The following RBM23 variants were observed in gnomAD, a reference collection of about 807,000 sequenced individuals.
RBM23 encodes the protein RNA binding motif protein 23.
RBM23 carries 53 observed loss-of-function variants against 56.2 expected under a neutral mutation model. The ratio of observed to expected loss-of-function variants is 0.94; its 90% CI spans 0.76 to 1.19. The LOEUF is 1.19. Among genes scored for constraint, RBM23 ranks in the 50% most tolerant of loss-of-function variants. The pLI, the probability that RBM23 is intolerant of heterozygous loss-of-function variation, is 0.00. For synonymous variants in RBM23, 197 were observed against 198.5 expected, an observed-to-expected ratio of 0.99 and a Z score of 0.06; for missense variants, 642 against 590.3, an observed-to-expected ratio of 1.09 and a Z score of -0.91.
Position 22,901,969 on chromosome 14 carries a change from T to C in RBM23, c.1246+11A>G, listed in dbSNP as rs753012659. The C allele has an allele frequency of 1.2e-6, 2 of 1,611,012 alleles. No homozygotes were observed. Among genetic ancestry groups the C allele is most frequent in the Non-Finnish European group, 8.5e-7 (1 of 1,177,806 alleles). On this transcript the variant is annotated intron_variant, in intron 12 of 13. Coordinates refer to ENST00000359890, the MANE Select transcript of RBM23 (RefSeq NM_001077351.2). ...CCAAACCTTCCCTTCCTTTCCCATGTCCAAGACTACCAGTCAGAGCTGCTG... is the reference window on the plus strand; with the variant it reads ...CCAAACCTTCCCTTCCTTTCCCATGCCCAAGACTACCAGTCAGAGCTGCTG...
rs112958810 is a variant in RBM23 at position 22,915,644 on chromosome 14, C to T, written c.-11+3355G>A. On this transcript the variant is annotated intron_variant, in intron 1 of 13. Transcript: ENST00000359890. Reference sequence around the variant, plus strand: ...CTGAGTAGCTGGGATTACAGGTGCCCGCCACTACGTCCCACTAATTTTTGT... The same window carrying T: ...CTGAGTAGCTGGGATTACAGGTGCCTGCCACTACGTCCCACTAATTTTTGT... 2.4e-3 allele frequency among the ~76,000 whole-genome samples: 372 copies of T among 152,092 alleles called. 4 individuals carry two copies. Among genetic ancestry groups the T allele is most frequent in the African/African-American group, 8.0e-3 (331 of 41,492 alleles).
intron 1 of RBM23, 67 bp from the exon 2 acceptor site, chr14:22,911,470 T>C: frequency 7.6e-7 from 1 of 1,313,174 alleles, no homozygotes; most frequent in Non-Finnish European, 1.1e-6. Flanking sequence ...GCACCACACA[T>C]TTCTTTCCCA....
intron 3 of RBM23, 83 bp from the exon 4 acceptor site, chr14:22,908,463 G>A: frequency 2.1e-6 from 3 of 1,460,036 alleles, no homozygotes; most frequent in Admixed American, 2.2e-5. Flanking sequence ...TGCAATCTTG[G>A]CTCACTGCAA....
At chr14:22,904,853 G>A in intron 9 of RBM23, 22 bp downstream of exon 9, 4 of 1,613,766 alleles carry the variant, frequency 2.5e-6, no homozygotes, top group African/African-American at 2.7e-5. Flanking sequence ...TCCCTTCAGA[G>A]GTTTCTCTCA....
intron 10 of RBM23, chr14:22,903,445 T>C: frequency 2.0e-6 from 2 of 985,484 alleles, no homozygotes; most frequent in Non-Finnish European, 2.4e-6. Flanking sequence ...ACACCACAGC[T>C]AGCTTGTTTA....
intron 9 of RBM23, 131 bp downstream of exon 9, chr14:22,904,744 T>C (rs779316902): frequency 1.8e-5 from 24 of 1,348,828 alleles, no homozygotes; most frequent in South Asian, 1.2e-4. Context: ...TTTCACAGCA[T>C]AGACTCATAT....
In RBM23 at chr14:22,901,817, G is replaced by A; in HGVS notation, c.1313C>T (p.Thr438Ile). 2 of 1,614,170 alleles carry A rather than the reference G, an allele frequency of 1.2e-6. No individual in the cohort carries two copies. Among genetic ancestry groups the A allele is most frequent in the East Asian group, 2.2e-5 (1 of 44,880 alleles). ...FQLSSLFTPQ[T>I]M ...TGAGCTAGACCCTGAGACTCACATGGTCTGGGGGGTAAAGAGGCTGGAGAG... is the reference window on the plus strand; with the variant it reads ...TGAGCTAGACCCTGAGACTCACATGATCTGGGGGGTAAAGAGGCTGGAGAG... The change falls in exon 13 of 14, where the codon ACC becomes ATC. Residue 438 changes from threonine (T) to isoleucine (I), a missense_variant. Thr to Ile is a moderately conservative substitution (Grantham distance 89). Coordinates refer to ENST00000359890, the MANE Select transcript of RBM23 (RefSeq NM_001077351.2).
rs770066328 is a variant in RBM23, at chr14:22,901,739, G to C, written c.1317-6C>G. 3.3e-5 allele frequency: 54 copies of C among 1,613,536 alleles called. No individual in the cohort carries two copies. The East Asian group carries it at 1.1e-3, about 33-fold the overall frequency. ...ATACTGTGCCACTGATTTACCTGTG[G>C]AAAGAAGAGGTAAATGGGAAGCCAA... On this transcript the variant is annotated splice_region_variant and splice_polypyrimidine_tract_variant and intron_variant, in intron 13 of 13. Transcript: ENST00000359890.
chr14:22,904,369 C>T (rs1755698318), intron 9 of RBM23, 43 bp from the exon 10 acceptor site: 1 of 1,519,556 alleles, frequency 6.6e-7, no homozygotes, highest in Admixed American at 1.7e-5. Context: ...TTGACTAGCC[C>T]ACATCTTCAA....
chr14:22,901,669 A>G lies in RBM23; in HGVS notation c.*61T>C. On this transcript the variant is annotated 3_prime_UTR_variant, in exon 14 of 14. Coordinates refer to ENST00000359890, the MANE Select transcript of RBM23 (RefSeq NM_001077351.2). The stretch of plus-strand genomic sequence containing the variant: ...CAAAATGGAGAAATGGGGCCATGGA[A>G]GAGTAGATGTGAAGTGGCAGGATCC... 2 of 1,582,790 alleles carry G rather than the reference A, an allele frequency of 1.3e-6. No individual in the cohort carries two copies. Among genetic ancestry groups the G allele is most frequent in the Non-Finnish European group, 1.7e-6 (2 of 1,151,688 alleles).
chr14:22,907,484 T>G (rs547862674), intron 4 of RBM23, among the ~76,000 whole-genome samples: 2 of 152,262 alleles, frequency 1.3e-5, no homozygotes, highest in East Asian at 3.9e-4. Context: ...AGATAAACAT[T>G]TAGGTCAAGG....
At chr14:22,904,475 C>CG (rs1401324809) in intron 9 of RBM23, 149 bp from the exon 10 acceptor site, 1 of 677,616 alleles carries the variant, frequency 1.5e-6, no homozygotes, top group Non-Finnish European at 2.4e-6. Context: ...GACCTTGTCT[C>CG]GGAAAAAAAA....
intron 10 of RBM23, chr14:22,902,987 G>T: frequency 1.3e-6 from 1 of 753,738 alleles, no homozygotes; most frequent in Non-Finnish European, 1.6e-6. Flanking sequence ...TCACCACGTT[G>T]GTCAGGCTGG....
intron 1 of RBM23, 37 bp from the exon 2 acceptor site, chr14:22,911,440 A>G: frequency 1.3e-6 from 2 of 1,545,906 alleles, no homozygotes; most frequent in South Asian, 1.1e-5. Context: ...AATCTGTTTT[A>G]TATTTTTCCT....
chr14:22,910,378 G>A (rs1409888877), intron 2 of RBM23, among the ~76,000 whole-genome samples: 6 of 142,826 alleles, frequency 4.2e-5, no homozygotes, highest in Non-Finnish European at 7.5e-5. Context: ...GCCTGAACCC[G>A]GAGGCAGAGG....
rs959570516 is a variant in RBM23, at chr14:22,902,773, T to C, written c.931-391A>G. On this transcript the variant is annotated intron_variant, in intron 10 of 13. Transcript: ENST00000359890. ...GTTTTAGTCTTTTTTTTTTTTTTTT[T>C]TTTTTTTTTTTGAGACGGAGTCCCA... 193 of 968,436 alleles carry C rather than the reference T, an allele frequency of 2.0e-4. 1 individual carries two copies. Among genetic ancestry groups the C allele is most frequent in the Non-Finnish European group, 2.2e-4 (185 of 824,846 alleles). The allele number at this position is 968,436 out of a possible 1,614,324, so 60.0% of individuals were successfully genotyped here.
chr14:22,906,431 T>A (rs1037886628), intron 4 of RBM23, 63 bp from the exon 5 acceptor site: 1 of 1,568,982 alleles, frequency 6.4e-7, no homozygotes, highest in African/African-American at 1.3e-5. Flanking sequence ...CAAGTGCATA[T>A]ACAACAGTGG....
chr14:22,905,605 C>G lies in RBM23; in HGVS notation c.455+1G>C. 10 of 1,610,970 alleles carry G rather than the reference C, an allele frequency of 6.2e-6. No homozygotes were observed. The highest frequency in any genetic ancestry group is 8.5e-6 in the Non-Finnish European group (10 of 1,177,004). On this transcript the variant is annotated splice_donor_variant, in intron 6 of 13. Transcript: ENST00000359890. LOFTEE classifies it high-confidence loss of function. ...TAAAACAGTGTTCATTATCAACCCA[C>G]CTGACTGGGCTCTTCTCTCTGAAAT... is the stretch of plus-strand genomic sequence containing the variant.
chr14:22,902,828 G>A, intron 10 of RBM23: 7 of 938,966 alleles, frequency 7.5e-6, no homozygotes, highest in Non-Finnish European at 8.8e-6. Context: ...AGGCTAGAGT[G>A]CAGTGGCACC....
Sources: allele counts gnomAD v4.1 joint callset (sites outside exome capture counted in the v4.1 genomes callset), GRCh38; gene constraint gnomAD v4.1.1; transcripts MANE v1.5; gene names NCBI Gene and HGNC (gene_info 2026-07-23, HGNC 2026-07-21).